The following CENPI variants were observed in gnomAD, a reference collection of about 807,000 sequenced individuals.
The protein encoded by CENPI is FSH primary response 1.
CENPI carries 4 observed loss-of-function variants against 60.4 expected under a neutral mutation model. The observed-to-expected ratio is 0.07, with a 90% CI of 0.03 to 0.15. CENPI has a LOEUF of 0.15. Ranked by LOEUF, CENPI falls within the 10% of genes least tolerant of loss-of-function variation. The pLI is 1.00. For synonymous variants in CENPI, 157 were observed against 189.4 expected, an observed-to-expected ratio of 0.83 and a Z score of 1.40; for missense variants, 444 against 534.5, an observed-to-expected ratio of 0.83 and a Z score of 1.67.
At chrX:101,101,430 A>G in intron 3 of CENPI, 134 bp downstream of exon 3, 1 of 472,480 alleles carries the variant, frequency 2.1e-6, no homozygotes, top group Non-Finnish European at 3.6e-6. Context: ...ACATTGAGCA[A>G]TTACTATATA....
chrX:101,178,804 A>G, the CENPI span, among the ~76,000 whole-genome samples: 1 of 111,661 alleles, frequency 9.0e-6, no homozygotes, highest in Non-Finnish European at 1.9e-5. Context: ...TTCTTACCCT[A>G]AATTTCAGAA....
Position 101,139,386 on chromosome X carries a change from C to T in CENPI, c.1471-1280C>T, listed in dbSNP as rs1307123055. Reference sequence around the variant, plus strand: ...CTGGGATTACAGGCATGAACCACCACGCCTGGCCAAGATTTTTGTTTTCTA... The same window carrying T: ...CTGGGATTACAGGCATGAACCACCATGCCTGGCCAAGATTTTTGTTTTCTA... On this transcript the variant is annotated intron_variant, in intron 15 of 21. Coordinates refer to ENST00000682095, the MANE Select transcript of CENPI (RefSeq NM_001386188.2). Among the ~76,000 whole-genome samples, 8 of 111,161 alleles carry T rather than the reference C, an allele frequency of 7.2e-5. No individual in the cohort carries two copies. The East Asian group carries it at 1.4e-3, about 19-fold the overall frequency.
At chrX:101,178,509 C>G in the CENPI span, among the ~76,000 whole-genome samples, 2 of 98,771 alleles carry the variant, frequency 2.0e-5, no homozygotes, top group East Asian at 6.9e-4. Flanking sequence ...CTCCTGGGTT[C>G]AAGTGATTCT....
At chrX:101,126,100 A>G (rs910335813) in intron 8 of CENPI, among the ~76,000 whole-genome samples, 3 of 112,458 alleles carry the variant, frequency 2.7e-5, no homozygotes, top group African/African-American at 9.7e-5. Context: ...AAATTTTAGT[A>G]TAATAAAACA....
the CENPI span, among the ~76,000 whole-genome samples, chrX:101,177,467 C>T: frequency 9.0e-6 from 1 of 111,472 alleles, no homozygotes; most frequent in Non-Finnish European, 1.9e-5. Context: ...TCACAGCGAG[C>T]ATTGAGCCAG....
chrX:101,143,161 T>G (rs188775600), intron 16 of CENPI, among the ~76,000 whole-genome samples: 12 of 110,233 alleles, frequency 1.1e-4, no homozygotes, highest in Admixed American at 5.8e-4. Context: ...GATCCTTCCT[T>G]GATTGCCTTG....
At chrX:101,113,282 T>TAC (rs533672702) in intron 6 of CENPI, among the ~76,000 whole-genome samples, 4,391 of 83,877 alleles carry the variant, frequency 0.052, 161 homozygotes, top group African/African-American at 0.083. Flanking sequence ...TCCATCCCTT[T>TAC]ACACACACAC....
chrX:101,130,194 G>A, intron 13 of CENPI, 121 bp downstream of exon 13: 1 of 463,410 alleles, frequency 2.2e-6, no homozygotes, highest in South Asian at 3.6e-5. Flanking sequence ...CAGCACTTTG[G>A]AGGCCAAGGC....
chrX:101,102,566 G>A (rs976461004), intron 4 of CENPI, among the ~76,000 whole-genome samples, 155 bp downstream of exon 4: 3 of 105,058 alleles, frequency 2.9e-5, no homozygotes, highest in Non-Finnish European at 3.9e-5. Flanking sequence ...TCACTATATT[G>A]CCCAGGTTGG....
intron 16 of CENPI, among the ~76,000 whole-genome samples, chrX:101,143,611 A>G (rs2089935980): frequency 8.9e-6 from 1 of 112,364 alleles, no homozygotes. Context: ...GCTCATTGCA[A>G]CCTCCACCTC....
intron 11 of CENPI, among the ~76,000 whole-genome samples, chrX:101,128,055 C>T (rs2089754615): frequency 9.0e-6 from 1 of 111,214 alleles, no homozygotes; most frequent in Admixed American, 9.6e-5. Flanking sequence ...AAAAATTGGG[C>T]TGGGCGCGGT....
chrX:101,098,239 A>C lies in CENPI; in HGVS notation c.-119A>C, dbSNP rs150661598. ...CAGAGGCCTGTGCGGCTGCAGGTAG[A>C]GTGTCTTAGGTGAGGAGGTACTTTT... On this transcript the variant is annotated 5_prime_UTR_variant, in exon 1 of 22. Coordinates refer to ENST00000682095, the MANE Select transcript of CENPI (RefSeq NM_001386188.2). 1 of 113,150 alleles carries C rather than the reference A, an allele frequency of 8.8e-6. No homozygotes were observed. The highest frequency in any genetic ancestry group is 1.9e-5 in the Non-Finnish European group (1 of 53,412). The allele number at this position is 113,150 out of a possible 1,213,427, so 9.3% of individuals were successfully genotyped here. A position where few individuals can be genotyped will look rare whatever the true frequency, so the allele number is the denominator to read the frequency against.
intron 15 of CENPI, among the ~76,000 whole-genome samples, chrX:101,135,343 A>G (rs2089835636): frequency 9.0e-6 from 1 of 111,376 alleles, no homozygotes; most frequent in South Asian, 3.8e-4. Flanking sequence ...GCAGAGTTCT[A>G]AGGTCCTCAA....
intron 11 of CENPI, among the ~76,000 whole-genome samples, chrX:101,128,412 C>T (rs916517129): frequency 1.8e-5 from 2 of 110,497 alleles, no homozygotes; most frequent in South Asian, 3.9e-4. Context: ...GCACGAGAAT[C>T]GCTTGAACCT....
chrX:101,111,247 A>T (rs1452430323), intron 6 of CENPI, among the ~76,000 whole-genome samples: 1 of 111,426 alleles, frequency 9.0e-6, no homozygotes, highest in African/African-American at 3.3e-5. Context: ...CTAGTTAGGA[A>T]GCTGACATGA....
intron 15 of CENPI, among the ~76,000 whole-genome samples, chrX:101,135,823 C>T (rs767546304): frequency 6.3e-5 from 7 of 111,317 alleles, no homozygotes; most frequent in East Asian, 2.8e-4. Context: ...CGGGTTCAAG[C>T]GATTCTCTTG....
intron 20 of CENPI, among the ~76,000 whole-genome samples, chrX:101,157,948 C>G (rs1045769845): frequency 9.0e-6 from 1 of 111,328 alleles, no homozygotes; most frequent in African/African-American, 3.3e-5. Context: ...TCTCTTCATA[C>G]CTGTCCCCCA....
intron 6 of CENPI, among the ~76,000 whole-genome samples, chrX:101,111,303 T>A (rs757335869): frequency 9.0e-6 from 1 of 110,960 alleles, no homozygotes; most frequent in South Asian, 3.8e-4. Context: ...TTCTCAAATA[T>A]GGTCTGTGGA....
intron 15 of CENPI, among the ~76,000 whole-genome samples, chrX:101,134,829 G>A (rs1486526558): frequency 9.0e-6 from 1 of 110,923 alleles, no homozygotes; most frequent in Non-Finnish European, 1.9e-5. Context: ...TTCGAGACCA[G>A]CCTAGGCAAC....
Sources: allele counts gnomAD v4.1 joint callset (sites outside exome capture counted in the v4.1 genomes callset), GRCh38; gene constraint gnomAD v4.1.1; transcripts MANE v1.5; gene names NCBI Gene and HGNC (gene_info 2026-07-23, HGNC 2026-07-21).